Variants in C8orf34 observed in about 807,000 individuals in gnomAD.
C8orf34 encodes uncharacterized protein C8orf34.
A neutral mutation model predicts 68.3 loss-of-function variants in C8orf34; 65 were observed. The ratio of observed to expected loss-of-function variants is 0.95; its 90% confidence interval spans 0.78 to 1.17. C8orf34 has a LOEUF of 1.17. Among genes scored for constraint, C8orf34 ranks in the 50% most tolerant of loss-of-function variants. The pLI is 0.00. For synonymous variants in C8orf34, 244 were observed against 241.2 expected, an observed-to-expected ratio of 1.01 and a Z score of -0.11; for missense variants, 664 against 655.4, an observed-to-expected ratio of 1.01 and a Z score of -0.14.
At chr8:68,690,055 A>AT (rs1173124362) in intron 8 of C8orf34, among the ~76,000 whole-genome samples, 1 of 152,038 alleles carries the variant, frequency 6.6e-6, no homozygotes, top group Non-Finnish European at 1.5e-5. Flanking sequence ...TGCCTCATCC[A>AT]TTTTTTGGAA....
At chr8:68,608,251 T>C (rs1434109389) in intron 7 of C8orf34, among the ~76,000 whole-genome samples, 1 of 151,986 alleles carries the variant, frequency 6.6e-6, no homozygotes, top group Non-Finnish European at 1.5e-5. Context: ...TTGAGAAAAT[T>C]AGCCAAACCA....
chr8:68,632,622 ATCG>A (rs1242006998), intron 7 of C8orf34, among the ~76,000 whole-genome samples: 4 of 152,262 alleles, frequency 2.6e-5, no homozygotes, highest in African/African-American at 9.6e-5. Context: ...AGCCCCTCCC[ATCG>A]CAAGCCTGGC....
intron 1 of C8orf34, among the ~76,000 whole-genome samples, chr8:68,346,435 T>G (rs1269407561): frequency 6.6e-6 from 1 of 152,098 alleles, no homozygotes; most frequent in Non-Finnish European, 1.5e-5. Context: ...TTGATGAACC[T>G]ACATTGACAC....
chr8:68,769,296 AT>A (rs995872323), intron 10 of C8orf34, among the ~76,000 whole-genome samples: 12 of 150,842 alleles, frequency 8.0e-5, no homozygotes, highest in East Asian at 3.9e-4. Context: ...AAATCTCTTA[AT>A]TTTTTTTTAT....
At chr8:68,813,805 C>G (rs535507304) in intron 12 of C8orf34, among the ~76,000 whole-genome samples, 1 of 152,112 alleles carries the variant, frequency 6.6e-6, no homozygotes, top group Non-Finnish European at 1.5e-5. Context: ...ATCGGGCTCA[C>G]TGTTTTCCTC....
chr8:68,370,972 TA>T (rs988880752), intron 1 of C8orf34, among the ~76,000 whole-genome samples: 3 of 152,008 alleles, frequency 2.0e-5, no homozygotes, highest in Non-Finnish European at 2.9e-5. Flanking sequence ...ATCTGACTCT[TA>T]AAAAAAGTGG....
chr8:68,463,537 C>A (rs1811952611), intron 3 of C8orf34, among the ~76,000 whole-genome samples: 1 of 152,116 alleles, frequency 6.6e-6, no homozygotes, highest in East Asian at 1.9e-4. Context: ...ATGCAAAAAT[C>A]CTCAATAAAA....
chr8:68,539,845 C>T (rs1279832251), intron 7 of C8orf34, among the ~76,000 whole-genome samples: 2 of 150,438 alleles, frequency 1.3e-5, no homozygotes, highest in Non-Finnish European at 1.5e-5. Flanking sequence ...CAGAGTGAAA[C>T]TCCGTCTAAA....
chr8:68,670,467 T>C (rs563110283), intron 8 of C8orf34, among the ~76,000 whole-genome samples: 3 of 152,326 alleles, frequency 2.0e-5, no homozygotes, highest in Admixed American at 1.3e-4. Flanking sequence ...ATCTATTCTT[T>C]TGAGGGCAAC....
At chr8:68,449,934 G>A (rs1251478247) in intron 3 of C8orf34, among the ~76,000 whole-genome samples, 3 of 152,066 alleles carry the variant, frequency 2.0e-5, no homozygotes, top group Non-Finnish European at 4.4e-5. Flanking sequence ...ATGCTATTTG[G>A]TAGCATTGTA....
intron 7 of C8orf34, among the ~76,000 whole-genome samples, chr8:68,617,182 C>T (rs989182975): frequency 6.6e-6 from 1 of 152,106 alleles, no homozygotes; most frequent in African/African-American, 2.4e-5. Flanking sequence ...CTATGTGTGT[C>T]TCTGCACGTG....
At chr8:68,636,139 T>C (rs1220274532) in intron 7 of C8orf34, among the ~76,000 whole-genome samples, 2 of 152,086 alleles carry the variant, frequency 1.3e-5, no homozygotes, top group African/African-American at 4.8e-5. Context: ...TCTTATGCAA[T>C]TGGTTTTGGG....
intron 7 of C8orf34, among the ~76,000 whole-genome samples, chr8:68,616,642 G>A (rs1408490325): frequency 1.3e-5 from 2 of 152,140 alleles, no homozygotes; most frequent in Admixed American, 6.5e-5. Flanking sequence ...TGATTGCACT[G>A]TGGTCTGAGA....
intron 5 of C8orf34, among the ~76,000 whole-genome samples, chr8:68,488,809 A>G (rs946253504): frequency 6.6e-6 from 1 of 152,198 alleles, no homozygotes; most frequent in Non-Finnish European, 1.5e-5. Context: ...TTTGATTTAT[A>G]ACTAAACATA....
At chr8:68,587,700 T>G (rs1817249418) in intron 7 of C8orf34, among the ~76,000 whole-genome samples, 1 of 152,182 alleles carries the variant, frequency 6.6e-6, no homozygotes, top group African/African-American at 2.4e-5. Context: ...GCATATTCCT[T>G]TATTCTTTGA....
At chr8:68,384,600 G>A (rs1476604733) in intron 1 of C8orf34, among the ~76,000 whole-genome samples, 2 of 152,222 alleles carry the variant, frequency 1.3e-5, no homozygotes, top group African/African-American at 4.8e-5. Flanking sequence ...GCCAGGGTGA[G>A]TTTATTCCAT....
intron 10 of C8orf34, among the ~76,000 whole-genome samples, chr8:68,725,311 TAGTC>T (rs1821798119): frequency 6.6e-6 from 1 of 152,216 alleles, no homozygotes; most frequent in Non-Finnish European, 1.5e-5. Flanking sequence ...TTGTATTCAT[TAGTC>T]AGTAATGACT....
chr8:68,410,690 G>A (rs747317690), intron 1 of C8orf34, among the ~76,000 whole-genome samples: 1 of 152,142 alleles, frequency 6.6e-6, no homozygotes, highest in African/African-American at 2.4e-5. Context: ...CATCTTTCAG[G>A]AGATGTGGTG....
chr8:68,483,993 C>G (rs998368918), intron 4 of C8orf34, among the ~76,000 whole-genome samples: 3 of 152,124 alleles, frequency 2.0e-5, no homozygotes, highest in Non-Finnish European at 4.4e-5. Flanking sequence ...GAAGAAATAC[C>G]TGAGTCTGAG....
Sources: allele counts gnomAD v4.1 joint callset (sites outside exome capture counted in the v4.1 genomes callset), GRCh38; gene constraint gnomAD v4.1.1; transcripts MANE v1.5; gene names NCBI Gene and HGNC (gene_info 2026-07-23, HGNC 2026-07-21).